DBF4: variants seen among roughly 807,000 people sequenced by gnomAD.
DBF4 encodes the protein DBF4-CDC7 kinase regulatory subunit, also known as protein DBF4 homolog A.
A neutral mutation model predicts 76.6 loss-of-function variants in DBF4; 25 were observed. That is an observed-to-expected ratio of 0.33 (90% CI 0.24 to 0.46). The LOEUF (loss-of-function observed/expected upper bound fraction) is 0.46. DBF4 is among the 20% of genes least tolerant of loss of function. DBF4 has a pLI of 1.00. For missense variants in DBF4, 638 were observed against 760.8 expected (o/e 0.84, Z 1.90); for synonymous variants, 213 against 258.0 (o/e 0.83, Z 1.67).
chr7:87,888,046 C>T lies in DBF4; in HGVS notation c.584C>T (p.Ser195Leu). The change falls in exon 6 of 12, where the codon TCA becomes TTA. Residue 195 changes from serine to leucine, a missense_variant. Transcript: ENST00000265728. ...ELYLLKKSST[S>L]VRDGGKRVGS... ...TATTTACTCAAGAAATCAAGTACTTCAGTAAGAGATGGGGTATGTTTTCTT... is the reference window on the plus strand; with the variant it reads ...TATTTACTCAAGAAATCAAGTACTTTAGTAAGAGATGGGGTATGTTTTCTT... 6.4e-7 allele frequency: 1 copy of T among 1,561,204 alleles called. No individual in the cohort carries two copies. Among genetic ancestry groups the T allele is most frequent in the Non-Finnish European group, 8.6e-7 (1 of 1,157,122 alleles).
intron 6 of DBF4, among the ~76,000 whole-genome samples, chr7:87,892,745 C>T (rs1400735407): frequency 1.3e-5 from 2 of 152,162 alleles, no homozygotes; most frequent in Admixed American, 6.5e-5. Context: ...GGATTTTCAT[C>T]TTTATTCAAT....
Position 87,886,983 on chromosome 7 carries a change from C to A in DBF4, c.450+89C>A, listed in dbSNP as rs564631330. On this transcript the variant is annotated intron_variant, in intron 4 of 11. Coordinates refer to ENST00000265728, the MANE Select transcript of DBF4 (RefSeq NM_006716.4). ...CAGATATTCTTGAAATTTTCCTTTCCACATTTTTAGGCAAAAACCTGAATC... is the reference window on the plus strand; with the variant it reads ...CAGATATTCTTGAAATTTTCCTTTCAACATTTTTAGGCAAAAACCTGAATC... 1,343 of 962,316 alleles carry A rather than the reference C, an allele frequency of 1.4e-3. 1 individual carries two copies. The highest frequency in any genetic ancestry group is 1.5e-3 in the Non-Finnish European group (943 of 642,670). The allele number at this position is 962,316 out of a possible 1,614,324, so 59.6% of individuals were successfully genotyped here. A position where few individuals can be genotyped will look rare whatever the true frequency, so the allele number is the denominator to read the frequency against.
rs773165471 is a variant in DBF4, at chr7:87,907,870, G to T, written c.1732G>T (p.Val578Leu). 1.9e-6 allele frequency: 3 copies of T among 1,613,592 alleles called. No homozygotes were observed. In the South Asian group the frequency reaches 3.3e-5, roughly 18 times the overall value. Residue 578 changes from valine (V) to leucine (L), a missense_variant, in exon 12 of 12, where the codon GTG (valine) becomes TTG (leucine). Transcript: ENST00000265728. Reference sequence around the variant, plus strand: ...ACCTTCTGGTAAAATACATCGAAAAGTGAAAATAATATTAGGACGAAATAG... The same window carrying T: ...ACCTTCTGGTAAAATACATCGAAAATTGAAAATAATATTAGGACGAAATAG... ...SLPSGKIHRK[V>L]KIILGRNRKE...
intron 6 of DBF4, among the ~76,000 whole-genome samples, chr7:87,891,364 T>G (rs1466605757): frequency 6.6e-6 from 1 of 152,168 alleles, no homozygotes; most frequent in Non-Finnish European, 1.5e-5. Context: ...AGAATTGTTT[T>G]TATTTCTTTA....
chr7:87,890,543 A>G (rs960696824), intron 6 of DBF4, among the ~76,000 whole-genome samples: 29 of 152,158 alleles, frequency 1.9e-4, no homozygotes, highest in Non-Finnish European at 3.2e-4. Flanking sequence ...AAAATAAATA[A>G]ATAAATGGAT....
At chr7:87,891,361 T>C (rs1045236364) in intron 6 of DBF4, among the ~76,000 whole-genome samples, 1 of 152,152 alleles carries the variant, frequency 6.6e-6, no homozygotes, top group Admixed American at 6.5e-5. Flanking sequence ...TATAGAATTG[T>C]TTTTATTTCT....
intron 2 of DBF4, among the ~76,000 whole-genome samples, chr7:87,879,852 C>G (rs1389238998): frequency 6.6e-6 from 1 of 151,854 alleles, no homozygotes. Flanking sequence ...ATTCGGGAGG[C>G]CGAGGCATGA....
At chr7:87,899,415 A>G (rs1008613669) in intron 8 of DBF4, among the ~76,000 whole-genome samples, 26 of 152,218 alleles carry the variant, frequency 1.7e-4, no homozygotes, top group African/African-American at 6.3e-4. Flanking sequence ...ACAAGTCAAC[A>G]ACAAAACAAC....
intron 2 of DBF4, among the ~76,000 whole-genome samples, chr7:87,879,343 TCTA>T (rs1232998633): frequency 1.3e-5 from 2 of 152,228 alleles, no homozygotes; most frequent in East Asian, 3.8e-4. Context: ...GAAAAGTTAT[TCTA>T]CTTTTTTACT....
rs1241007931 is a variant in DBF4 at position 87,909,402 on chromosome 7, C to T, written c.*1239C>T. 1 of 152,122 alleles carries T rather than the reference C, an allele frequency of 6.6e-6. No individual in the cohort carries two copies. Among genetic ancestry groups the T allele is most frequent in the East Asian group, 1.9e-4 (1 of 5,194 alleles). 9.4% of individuals were successfully genotyped at this position (152,122 alleles called of 1,614,324 possible). ...TAATTTTTTTGAAATATATGATTCT[C>T]AGTACAGGACTAATTCATATGCTTT... On this transcript the variant is annotated 3_prime_UTR_variant, in exon 12 of 12. Transcript: ENST00000265728.
At chr7:87,905,233 A>C (rs1839889948) in intron 11 of DBF4, among the ~76,000 whole-genome samples, 1 of 152,246 alleles carries the variant, frequency 6.6e-6, no homozygotes, top group African/African-American at 2.4e-5. Context: ...GCAACTAATT[A>C]GCTTAGCTTT....
intron 8 of DBF4, 53 bp from the exon 9 acceptor site, chr7:87,900,168 C>T (rs1049595712): frequency 3.5e-6 from 5 of 1,426,230 alleles, no homozygotes; most frequent in Non-Finnish European, 2.9e-6. Flanking sequence ...AACTTTAAAC[C>T]TTTTTTCTTT....
chr7:87,892,993 C>A (rs1839531358), intron 6 of DBF4, among the ~76,000 whole-genome samples: 1 of 152,046 alleles, frequency 6.6e-6, no homozygotes, highest in Non-Finnish European at 1.5e-5. Flanking sequence ...AATGTATATT[C>A]TGCTGTGGTT....
In DBF4 at chr7:87,895,009, C is replaced by A. The variant is rs187695723; in HGVS notation, c.598-1465C>A. 2.0e-5 allele frequency among the ~76,000 whole-genome samples: 3 copies of A among 152,226 alleles called. No homozygotes were observed. In the East Asian group the frequency reaches 5.8e-4, roughly 29 times the overall value. On this transcript the variant is annotated intron_variant, in intron 6 of 11. Coordinates refer to ENST00000265728, the MANE Select transcript of DBF4 (RefSeq NM_006716.4). ...CATTCCAGTTGACAATAAAGTTAGA[C>A]ATCTTGATGTTATTCCACAGATCCC...
At chr7:87,892,182 C>G (rs891281216) in intron 6 of DBF4, among the ~76,000 whole-genome samples, 6 of 152,182 alleles carry the variant, frequency 3.9e-5, no homozygotes, top group African/African-American at 1.4e-4. Flanking sequence ...ATGATTATGA[C>G]GTGTGTCCAT....
At chr7:87,880,613 T>C (rs531849206) in intron 2 of DBF4, among the ~76,000 whole-genome samples, 1 of 152,336 alleles carries the variant, frequency 6.6e-6, no homozygotes, top group East Asian at 1.9e-4. Flanking sequence ...ATGAGTTAAT[T>C]TATCTTCACA....
chr7:87,902,761 T>C (rs759595902), intron 10 of DBF4, among the ~76,000 whole-genome samples: 1 of 152,224 alleles, frequency 6.6e-6, no homozygotes, highest in Non-Finnish European at 1.5e-5. Flanking sequence ...CTTATTTTTA[T>C]TACTGGGCAT....
chr7:87,885,770 T>A (rs975706338), intron 3 of DBF4, among the ~76,000 whole-genome samples: 1 of 152,232 alleles, frequency 6.6e-6, no homozygotes, highest in Non-Finnish European at 1.5e-5. Context: ...AAATGTGTAC[T>A]GTCTGGTCCT....
At chr7:87,890,236 C>A (rs187960261) in intron 6 of DBF4, among the ~76,000 whole-genome samples, 14 of 152,062 alleles carry the variant, frequency 9.2e-5, no homozygotes, top group African/African-American at 2.9e-4. Flanking sequence ...TCACAGTTTG[C>A]AGTTTAAAAA....
Sources: gnomAD v4.1 joint callset for allele counts (sites outside exome capture counted in the v4.1 genomes callset) on GRCh38, gnomAD v4.1.1 for gene constraint, MANE v1.5 for transcripts, NCBI Gene and HGNC (gene_info 2026-07-23, HGNC 2026-07-21) for gene names.